TMCC1: variants seen among roughly 807,000 people sequenced by gnomAD.
TMCC1 encodes the protein transmembrane and coiled-coil domain family 1.
Under a neutral mutation model 52.4 loss-of-function variants are expected in TMCC1, and 15 were observed. The ratio of observed to expected loss-of-function variants is 0.29; its 90% CI spans 0.19 to 0.44. The LOEUF (loss-of-function observed/expected upper bound fraction) is 0.44, where lower values mean the gene tolerates loss of function less well. Among genes scored for constraint, TMCC1 ranks in the 20% least tolerant of loss-of-function variants. The pLI, the probability that TMCC1 is intolerant of heterozygous loss-of-function variation, is 1.00. For missense variants in TMCC1, 503 were observed against 806.0 expected (o/e 0.62, Z 4.55); for synonymous variants, 279 against 301.9 (o/e 0.92, Z 0.79).
intron 4 of TMCC1, among the ~76,000 whole-genome samples, chr3:129,743,763 A>C (rs1576656293): frequency 1.3e-5 from 2 of 152,232 alleles, no homozygotes; most frequent in South Asian, 4.1e-4. Flanking sequence ...ATTCCTGCTA[A>C]AGAAAAAATT....
At chr3:129,792,343 C>T (rs543819577) in intron 4 of TMCC1, among the ~76,000 whole-genome samples, 1 of 151,972 alleles carries the variant, frequency 6.6e-6, no homozygotes, top group South Asian at 2.1e-4. Flanking sequence ...AGGCACGATG[C>T]ATTTGCTGAT....
intron 6 of TMCC1, among the ~76,000 whole-genome samples, chr3:129,654,472 A>C (rs1464383451): frequency 6.6e-6 from 1 of 152,206 alleles, no homozygotes; most frequent in Non-Finnish European, 1.5e-5. Context: ...TCCATATAGA[A>C]ATAAGAAAAA....
chr3:129,887,316 G>T (rs943952172), intron 1 of TMCC1, among the ~76,000 whole-genome samples: 1 of 152,052 alleles, frequency 6.6e-6, no homozygotes, highest in African/African-American at 2.4e-5. Flanking sequence ...GGCCAAGGAG[G>T]GCGGATCATG....
Position 129,832,795 on chromosome 3 carries a change from A to T in TMCC1, c.-152T>A, listed in dbSNP as rs563754907. Reference sequence around the variant, plus strand: ...TTGCCTTCATCACTCTTCCTTAAGCACTTCTAAGGTGTACAATCCTTTTAG... The same window carrying T: ...TTGCCTTCATCACTCTTCCTTAAGCTCTTCTAAGGTGTACAATCCTTTTAG... On this transcript the variant is annotated 5_prime_UTR_variant, in exon 3 of 7. Transcript: ENST00000393238. The T allele has an allele frequency of 1.3e-5, 2 of 152,212 alleles. No homozygotes were observed. The highest frequency in any genetic ancestry group is 2.4e-5 in the African/African-American group (1 of 41,448). 9.4% of individuals were successfully genotyped at this position (152,212 alleles called of 1,614,324 possible). A position where few individuals can be genotyped will look rare whatever the true frequency, so the allele number is the denominator to read the frequency against.
intron 2 of TMCC1, among the ~76,000 whole-genome samples, chr3:129,835,142 G>A (rs936720351): frequency 2.6e-5 from 4 of 152,068 alleles, no homozygotes; most frequent in African/African-American, 9.7e-5. Context: ...AAATGGAAAC[G>A]TTTTAACTAC....
intron 4 of TMCC1, among the ~76,000 whole-genome samples, chr3:129,728,434 G>A (rs956750725): frequency 2.6e-5 from 4 of 151,830 alleles, no homozygotes; most frequent in Non-Finnish European, 4.4e-5. Flanking sequence ...TACAGGCGCC[G>A]GCCACCACGC....
intron 2 of TMCC1, among the ~76,000 whole-genome samples, chr3:129,858,239 T>C (rs1442508384): frequency 6.6e-6 from 1 of 152,260 alleles, no homozygotes; most frequent in African/African-American, 2.4e-5. Flanking sequence ...TTTACAATGC[T>C]AACACAACTT....
At chr3:129,837,091 A>G (rs2059193079) in intron 2 of TMCC1, among the ~76,000 whole-genome samples, 1 of 152,184 alleles carries the variant, frequency 6.6e-6, no homozygotes, top group South Asian at 2.1e-4. Flanking sequence ...TAAAACAGCA[A>G]TAGCCTTAAA....
At chr3:129,709,497 A>AAAAAAAGAGAG (rs554837910) in intron 4 of TMCC1, among the ~76,000 whole-genome samples, 1 of 64,030 alleles carries the variant, frequency 1.6e-5, no homozygotes, top group African/African-American at 6.7e-5. Flanking sequence ...AAAAAAAAAA[A>AAAAAAAGAGAG]AGAGAGAGAG....
In TMCC1 at chr3:129,770,632, G is replaced by GAAATGAAATAAAATA. The variant is rs759409635; in HGVS notation, c.576+57170_576+57171insTATTTTATTTCATTT. ...GAAATGAAATGAAATGAAATGAAAT[G>GAAATGAAATAAAATA]AAATAAAATAAAATAAAATAAAATA... On this transcript the variant is annotated intron_variant, in intron 4 of 6. Coordinates refer to ENST00000393238, the MANE Select transcript of TMCC1 (RefSeq NM_001017395.5). 4.3e-5 allele frequency among the ~76,000 whole-genome samples: 6 copies of GAAATGAAATAAAATA among 140,806 alleles called. No individual in the cohort carries two copies. In the East Asian group the frequency reaches 5.9e-4, roughly 14 times the overall value. 92.4% of individuals were successfully genotyped at this position (140,806 alleles called of 152,430 possible).
At position 129,800,925 on chromosome 3, in the gene TMCC1, A is replaced by ATTTTTTT. The variant is rs11394617; in HGVS notation, c.576+26871_576+26877dup. ...TTTCCCTCTCTGCACATCTCACACT[A>ATTTTTTT]TTTTTTTTTTTTTTTTTTTTGAGAT... On this transcript the variant is annotated intron_variant, in intron 4 of 6. Transcript: ENST00000393238. Among the ~76,000 whole-genome samples the ATTTTTTT allele has an allele frequency of 6.8e-5, 8 of 117,944 alleles. 1 individual carries two copies. Among genetic ancestry groups the ATTTTTTT allele is most frequent in the Non-Finnish European group, 1.0e-4 (6 of 59,188 alleles). 77.4% of individuals were successfully genotyped at this position (117,944 alleles called of 152,430 possible).
At chr3:129,759,579 T>G (rs904090944) in intron 4 of TMCC1, among the ~76,000 whole-genome samples, 1 of 125,274 alleles carries the variant, frequency 8.0e-6, no homozygotes, top group East Asian at 2.0e-4. Context: ...ATGACCATTT[T>G]TGAGAGTTTT....
At chr3:129,733,060 T>A (rs2050669652) in intron 4 of TMCC1, among the ~76,000 whole-genome samples, 1 of 152,214 alleles carries the variant, frequency 6.6e-6, no homozygotes. Flanking sequence ...AATCTGCTCC[T>A]TCTTAGTGCA....
At chr3:129,833,475 C>G (rs2059014422) in intron 2 of TMCC1, among the ~76,000 whole-genome samples, 1 of 152,150 alleles carries the variant, frequency 6.6e-6, no homozygotes, top group Non-Finnish European at 1.5e-5. Context: ...GAGATTGAGG[C>G]AAGAGGATGT....
At chr3:129,673,383 C>T (rs1254421077) in intron 4 of TMCC1, among the ~76,000 whole-genome samples, 1 of 152,082 alleles carries the variant, frequency 6.6e-6, no homozygotes, top group Non-Finnish European at 1.5e-5. Flanking sequence ...GATCCTTGAC[C>T]TTGATGAGTA....
chr3:129,678,140 G>A (rs909249985), intron 4 of TMCC1, among the ~76,000 whole-genome samples: 2 of 151,506 alleles, frequency 1.3e-5, no homozygotes, highest in African/African-American at 2.4e-5. Context: ...GGCTGGTCTC[G>A]AACTCCTGGC....
intron 4 of TMCC1, among the ~76,000 whole-genome samples, chr3:129,780,361 T>C (rs1184593678): frequency 6.6e-6 from 1 of 152,118 alleles, no homozygotes; most frequent in Non-Finnish European, 1.5e-5. Flanking sequence ...CCTATAGTTG[T>C]ATAACCAAAT....
At chr3:129,880,230 G>C (rs529887601) in intron 2 of TMCC1, 79 bp downstream of exon 2, 8 of 152,244 alleles carry the variant, frequency 5.3e-5, no homozygotes, top group South Asian at 4.1e-4. Context: ...CTGAGTTATA[G>C]AGAGGAAAGT....
chr3:129,867,119 A>G (rs2060688222), intron 2 of TMCC1: 1 of 152,116 alleles, frequency 6.6e-6, no homozygotes, highest in Admixed American at 6.6e-5. Context: ...AAAAAAAAAA[A>G]ACACTTCTTC....
Sources: allele counts gnomAD v4.1 joint callset (sites outside exome capture counted in the v4.1 genomes callset), GRCh38; gene constraint gnomAD v4.1.1; transcripts MANE v1.5; gene names NCBI Gene and HGNC (gene_info 2026-07-23, HGNC 2026-07-21).